GRIN3A: variants seen among roughly 807,000 people sequenced by gnomAD.
GRIN3A encodes the protein glutamate receptor ionotropic, NMDA 3A.
In GRIN3A, 47 loss-of-function variants were observed where a neutral mutation model predicts 92.4. That is an observed-to-expected ratio of 0.51 (90% CI 0.40 to 0.65). The LOEUF is 0.65. Among genes scored for constraint, GRIN3A ranks in the 30% least tolerant of loss-of-function variants. The pLI is 0.00. For missense variants in GRIN3A, 1,324 were observed against 1,393.1 expected, an observed-to-expected ratio of 0.95 and a Z score of 0.79; for synonymous variants, 527 against 540.6, an observed-to-expected ratio of 0.97 and a Z score of 0.35.
intron 1 of GRIN3A, among the ~76,000 whole-genome samples, chr9:101,692,608 T>A (rs948598908): frequency 3.9e-5 from 6 of 152,166 alleles, no homozygotes; most frequent in African/African-American, 1.4e-4. Context: ...CAAGTGAACA[T>A]AATGTTTCCA....
intron 3 of GRIN3A, among the ~76,000 whole-genome samples, chr9:101,645,355 A>G (rs753690189): frequency 2.6e-5 from 4 of 151,774 alleles, no homozygotes; most frequent in Non-Finnish European, 5.9e-5. Context: ...ATAGTGTTCC[A>G]TTGTGTATGT....
chr9:101,716,193 C>T (rs1345196420), intron 1 of GRIN3A, among the ~76,000 whole-genome samples: 1 of 152,092 alleles, frequency 6.6e-6, no homozygotes, highest in Non-Finnish European at 1.5e-5. Flanking sequence ...TTAATTATCA[C>T]ATAGAAATGT....
At chr9:101,702,068 A>C (rs1829762865) in intron 1 of GRIN3A, among the ~76,000 whole-genome samples, 1 of 152,112 alleles carries the variant, frequency 6.6e-6, no homozygotes, top group Admixed American at 6.5e-5. Flanking sequence ...TTGTGAGGCC[A>C]AATTGGGCGA....
chr9:101,651,636 T>TTGTGTGTGTGTGTG (rs57126529), intron 3 of GRIN3A, among the ~76,000 whole-genome samples: 60 of 146,052 alleles, frequency 4.1e-4, no homozygotes, highest in Admixed American at 1.5e-3. Flanking sequence ...AATAAATCCA[T>TTGTGTGTGTGTGTG]TGTGTGTGTG....
At chr9:101,678,288 T>A (rs113239386) in intron 2 of GRIN3A, among the ~76,000 whole-genome samples, 22 of 152,304 alleles carry the variant, frequency 1.4e-4, no homozygotes, top group African/African-American at 5.3e-4. Context: ...ATTTGCAAAT[T>A]GTTTGAAGGA....
intron 3 of GRIN3A, among the ~76,000 whole-genome samples, chr9:101,655,962 A>C (rs528720281): frequency 6.6e-6 from 1 of 151,980 alleles, no homozygotes; most frequent in Non-Finnish European, 1.5e-5. Flanking sequence ...TGTGCAGATG[A>C]TAAAATTATG....
At chr9:101,600,069 CT>C (rs1396923081) in intron 6 of GRIN3A, among the ~76,000 whole-genome samples, 1 of 152,148 alleles carries the variant, frequency 6.6e-6, no homozygotes, top group Non-Finnish European at 1.5e-5. Flanking sequence ...TATTTAACAA[CT>C]TTGTGACCTT....
At chr9:101,685,476 T>G (rs952991811) in intron 2 of GRIN3A, among the ~76,000 whole-genome samples, 2 of 152,096 alleles carry the variant, frequency 1.3e-5, no homozygotes, top group East Asian at 3.9e-4. Flanking sequence ...ACATTCGTCT[T>G]TGAAGAAATA....
intron 6 of GRIN3A, chr9:101,591,750 C>A (rs1339566778): frequency 6.6e-6 from 1 of 152,164 alleles, no homozygotes; most frequent in Non-Finnish European, 1.5e-5. Context: ...ACCCAAATAT[C>A]CAGTTAGATC....
intron 3 of GRIN3A, among the ~76,000 whole-genome samples, chr9:101,656,201 T>G (rs12352862): frequency 0.47 from 71,746 of 151,822 alleles, 17,173 homozygotes; most frequent in Middle Eastern, 0.54. Flanking sequence ...GTGCTGGTTT[T>G]GCACAAAGGT....
At chr9:101,586,265 A>G (rs1295129774) in intron 6 of GRIN3A, among the ~76,000 whole-genome samples, 4 of 152,224 alleles carry the variant, frequency 2.6e-5, no homozygotes, top group Non-Finnish European at 4.4e-5. Context: ...TTTCCCCAGC[A>G]AAGTAGAATG....
intron 5 of GRIN3A, among the ~76,000 whole-genome samples, chr9:101,615,668 T>G (rs967720478): frequency 2.2e-4 from 34 of 152,190 alleles, no homozygotes; most frequent in African/African-American, 7.7e-4. Flanking sequence ...TTATTCAATC[T>G]TTAAGTCTCC....
At chr9:101,646,422 T>C in intron 3 of GRIN3A, among the ~76,000 whole-genome samples, 1 of 151,816 alleles carries the variant, frequency 6.6e-6, no homozygotes, top group Non-Finnish European at 1.5e-5. Context: ...TTACTATAGC[T>C]TTGTAGTATA....
chr9:101,721,234 A>G lies in GRIN3A; in HGVS notation c.699+16047T>C, dbSNP rs146222552. ...TAGTGAATGAGTCTTACAAGATCTG[A>G]TGAGTTTATCAGGGGTTTCCGCTTT... On this transcript the variant is annotated intron_variant, in intron 1 of 8. Transcript: ENST00000361820. Among the ~76,000 whole-genome samples, 21 of 152,242 alleles carry G rather than the reference A, an allele frequency of 1.4e-4. No homozygotes were observed. In the East Asian group the frequency reaches 3.9e-3, roughly 28 times the overall value.
chr9:101,610,481 A>T (rs192236119), intron 6 of GRIN3A, among the ~76,000 whole-genome samples: 5 of 152,328 alleles, frequency 3.3e-5, no homozygotes. Context: ...CCAATTAAAA[A>T]AATTTCCAAC....
intron 1 of GRIN3A, among the ~76,000 whole-genome samples, chr9:101,703,503 A>T (rs1829778230): frequency 6.6e-6 from 1 of 152,216 alleles, no homozygotes; most frequent in South Asian, 2.1e-4. Flanking sequence ...TCCTCAGAGC[A>T]CAGTCAATAG....
rs150637314 is a variant in GRIN3A, at chr9:101,606,265, A to G, written c.2766+7111T>C. 1.8e-4 allele frequency among the ~76,000 whole-genome samples: 28 copies of G among 152,204 alleles called. No individual in the cohort carries two copies. The East Asian group carries it at 5.2e-3, about 28-fold the overall frequency. On this transcript the variant is annotated intron_variant, in intron 6 of 8. Coordinates refer to ENST00000361820, the MANE Select transcript of GRIN3A (RefSeq NM_133445.3). ...TTCTGCCCTTCCAGATCGACTCTCC[A>G]TCTTTCTTCCTCCTGCTTTGTGCCC...
intron 3 of GRIN3A, among the ~76,000 whole-genome samples, chr9:101,631,900 C>A (rs1828720564): frequency 6.6e-6 from 1 of 152,160 alleles, no homozygotes; most frequent in Non-Finnish European, 1.5e-5. Flanking sequence ...CCTTTCTGAT[C>A]CACTCAGAGA....
intron 3 of GRIN3A, among the ~76,000 whole-genome samples, chr9:101,633,384 T>C (rs912696222): frequency 6.6e-6 from 1 of 152,214 alleles, no homozygotes; most frequent in Non-Finnish European, 1.5e-5. Context: ...CATTACTTTA[T>C]CCACTTATAA....
Sources: gnomAD v4.1 joint callset for allele counts (sites outside exome capture counted in the v4.1 genomes callset) on GRCh38, gnomAD v4.1.1 for gene constraint, MANE v1.5 for transcripts, NCBI Gene and HGNC (gene_info 2026-07-23, HGNC 2026-07-21) for gene names.